Variants in EIF2B5 observed in about 807,000 individuals in gnomAD.
EIF2B5 encodes the protein translation initiation factor eIF2B subunit epsilon.
EIF2B5 carries 38 observed loss-of-function variants against 87.3 expected under a neutral mutation model. That is an observed-to-expected ratio of 0.44 (90% CI 0.34 to 0.57). The LOEUF is 0.57. Among genes scored for constraint, EIF2B5 ranks in the 20% least tolerant of loss-of-function variants. The probability of loss-of-function intolerance (pLI) is 0.02; values close to 1 mark genes in which losing one functional copy is unlikely to be tolerated. For missense variants in EIF2B5, 784 were observed against 909.5 expected, an observed-to-expected ratio of 0.86 and a Z score of 1.78; for synonymous variants, 313 against 339.6, an observed-to-expected ratio of 0.92 and a Z score of 0.86.
rs754300172 is a variant in EIF2B5 at position 184,141,989 on chromosome 3, G to A, written c.1221G>A (p.Gln407=). 5.0e-6 allele frequency: 8 copies of A among 1,614,138 alleles called. No homozygotes were observed. The highest frequency in any genetic ancestry group is 5.9e-6 in the Non-Finnish European group (7 of 1,180,030). Residue 407 remains glutamine (Q), a synonymous_variant, in exon 8 of 16, where the codon CAG becomes CAA. Coordinates refer to ENST00000648915, the MANE Select transcript of EIF2B5 (RefSeq NM_003907.3). ...GTGTTCGAGTGGCGGCTGGAGCACA[G>A]ATCCATCAGTCTCTGCTTTGTGACA... ...WQGVRVAAGA[Q]IHQSLLCDNA... is the part of the protein sequence containing the mutation.
chr3:184,137,580 T>C, intron 2 of EIF2B5, 40 bp from the exon 3 acceptor site: 1 of 1,597,930 alleles, frequency 6.3e-7, no homozygotes, highest in Non-Finnish European at 8.6e-7. Context: ...ATGATCTTTA[T>C]GCTTGATACA....
intron 12 of EIF2B5, 22 bp downstream of exon 12, chr3:184,143,164 TCTC>T (rs773350395): frequency 8.0e-4 from 1,281 of 1,609,726 alleles, no homozygotes; most frequent in Non-Finnish European, 1.0e-3. Context: ...CCCTCCCTGT[TCTC>T]CTCGGGGTGA....
chr3:184,144,327 G>A, intron 14 of EIF2B5, 103 bp downstream of exon 14: 3 of 1,549,196 alleles, frequency 1.9e-6, no homozygotes. Context: ...ATCCAGTATG[G>A]ACCATCCACT....
chr3:184,135,897 T>G, intron 1 of EIF2B5: 2 of 426,500 alleles, frequency 4.7e-6, no homozygotes, highest in East Asian at 4.4e-5. Flanking sequence ...CTTTTAACCT[T>G]GCCGATGACG....
At position 184,142,168 on chromosome 3, in the gene EIF2B5, A is replaced by C; in HGVS notation, c.1303-69A>C. On this transcript the variant is annotated intron_variant, in intron 8 of 15. Coordinates refer to ENST00000648915, the MANE Select transcript of EIF2B5 (RefSeq NM_003907.3). The surrounding 1 kb of genome is among the most constrained non-coding windows in gnomAD (Gnocchi z 5.0). ...TTCCACCCATAATCCTGTCTAAAAA[A>C]GTTGCTCTCATTATCAGGATGCACT... 6.2e-7 allele frequency: 1 copy of C among 1,614,096 alleles called. No homozygotes were observed. The highest frequency in any genetic ancestry group is 8.5e-7 in the Non-Finnish European group (1 of 1,180,016).
intron 13 of EIF2B5, 152 bp from the exon 14 acceptor site, chr3:184,143,947 T>C: frequency 8.2e-7 from 1 of 1,225,936 alleles, no homozygotes; most frequent in Non-Finnish European, 1.2e-6. Flanking sequence ...TCCCAAACCC[T>C]GTCAACAACT....
rs1420303893 is a variant in EIF2B5 at position 184,135,449 on chromosome 3, G to A, written c.64G>A (p.Ala22Thr). 1.3e-6 allele frequency: 2 copies of A among 1,580,828 alleles called. No individual in the cohort carries two copies. Among genetic ancestry groups the A allele is most frequent in the African/African-American group, 1.3e-5 (1 of 74,706 alleles). ...VVSRANKRSGAGPGGSGGGGA... is the reference protein window; with the variant it reads ...VVSRANKRSGTGPGGSGGGGA... ...TAGTCGGGCTAACAAGCGCAGCGGC[G>A]CGGGGCCGGGAGGCAGCGGTGGCGG... Residue 22 changes from alanine (A) to threonine (T), a missense_variant, in exon 1 of 16, where the codon GCG becomes ACG. By Grantham distance (58) the Ala-to-Thr change is moderately conservative. Around this residue, in one of 3 missense-constraint regions of EIF2B5, gnomAD observed 117 missense variants for 101.0 expected, o/e 1.16. Transcript: ENST00000648915.
intron 5 of EIF2B5, 107 bp from the exon 6 acceptor site, chr3:184,139,971 CGA>C (rs1560108091): frequency 2.5e-6 from 2 of 814,936 alleles, no homozygotes; most frequent in East Asian, 6.0e-5. Flanking sequence ...TGCAGTGAGC[CGA>C]GATCATGCAA....
rs750866320 is a variant in EIF2B5 at position 184,142,291 on chromosome 3, C to A, written c.1357C>A (p.Pro453Thr). The change falls in exon 9 of 16, where the codon CCT becomes ACT. Residue 453 changes from proline to threonine, a missense_variant. Transcript: ENST00000648915. The surrounding 1 kb of genome is among the most constrained non-coding windows in gnomAD (Gnocchi z 5.0). ...TGAGGGCTCGGTGATCTCTTTGCAC[C>A]CTCCAGATGCAGAGGAAGATGAAGA... Reference protein sequence around the residue: ...LPEGSVISLHPPDAEEDEDDG... With the variant: ...LPEGSVISLHTPDAEEDEDDG... The A allele has an allele frequency of 1.2e-6, 2 of 1,614,008 alleles. No individual in the cohort carries two copies. Among genetic ancestry groups the A allele is most frequent in the East Asian group, 4.5e-5 (2 of 44,878 alleles).
In EIF2B5 at chr3:184,135,951, GGTAATATGCCTTAAAAA is replaced by G. The variant is rs373912239; in HGVS notation, c.195+373_195+389del. The G allele has an allele frequency of 8.1e-4, 246 of 304,916 alleles. 1 individual carries two copies. The highest frequency in any genetic ancestry group is 4.6e-3 in the African/African-American group (209 of 45,904). The allele number at this position is 304,916 out of a possible 1,614,324, so 18.9% of individuals were successfully genotyped here. On this transcript the variant is annotated intron_variant, in intron 1 of 15. Transcript: ENST00000648915. ...AACGACCTTTTGCCTCTGAAAGGGC[GGTAATATGCCTTAAAAA>G]GAGCGGGCTAGATCTCAGGCAGTGT... is the stretch of plus-strand genomic sequence containing the variant.
chr3:184,144,582 A>T lies in EIF2B5; in HGVS notation c.1996-15A>T. 6.2e-7 allele frequency: 1 copy of T among 1,612,672 alleles called. No individual in the cohort carries two copies. The highest frequency in any genetic ancestry group is 8.5e-7 in the Non-Finnish European group (1 of 1,178,926). On this transcript the variant is annotated splice_polypyrimidine_tract_variant and intron_variant, in intron 14 of 15. Coordinates refer to ENST00000648915, the MANE Select transcript of EIF2B5 (RefSeq NM_003907.3). ...TTCCAAGGCCCCTGAGGTCCCCTTTATTGGCCTTTTGCAGGTACTGATGGC... is the reference window on the plus strand; with the variant it reads ...TTCCAAGGCCCCTGAGGTCCCCTTTTTTGGCCTTTTGCAGGTACTGATGGC...
At chr3:184,144,048 G>A (rs1389368766) in intron 13 of EIF2B5, 51 bp from the exon 14 acceptor site, 1 of 1,613,810 alleles carries the variant, frequency 6.2e-7, no homozygotes, top group East Asian at 2.2e-5. Flanking sequence ...GGATGTCCAG[G>A]TATAGGTGAA....
intron 13 of EIF2B5, 176 bp downstream of exon 13, chr3:184,143,741 T>C: frequency 3.3e-6 from 3 of 909,480 alleles, no homozygotes; most frequent in Non-Finnish European, 5.1e-6. Flanking sequence ...TTGAGTTCAA[T>C]ACTGACTGGC....
chr3:184,143,021 GC>G (rs774044438), intron 11 of EIF2B5, 30 bp from the exon 12 acceptor site: 3 of 1,605,106 alleles, frequency 1.9e-6, no homozygotes, highest in Non-Finnish European at 2.6e-6. Flanking sequence ...AATGATGTTG[GC>G]CCATGAACTT....
Position 184,143,625 on chromosome 3 carries a change from A to G in EIF2B5, c.1869+60A>G, listed in dbSNP as rs1713739023. 4 of 1,612,698 alleles carry G rather than the reference A, an allele frequency of 2.5e-6. No individual in the cohort carries two copies. In the African/African-American group the frequency reaches 4.0e-5, roughly 16 times the overall value. On this transcript the variant is annotated intron_variant, in intron 13 of 15. Coordinates refer to ENST00000648915, the MANE Select transcript of EIF2B5 (RefSeq NM_003907.3). ...GGTACAGGCAAAGGAAATCAGGAGT[A>G]GACTGTCTTGTTATATTGGGTGTAT... is the stretch of plus-strand genomic sequence containing the variant.
chr3:184,138,363 C>T, intron 5 of EIF2B5, 117 bp downstream of exon 5: 2 of 1,058,180 alleles, frequency 1.9e-6, no homozygotes, highest in South Asian at 2.6e-5. Context: ...ATTATTTTTA[C>T]TTTTATTTTT....
At chr3:184,140,897 T>G in intron 7 of EIF2B5, 167 bp downstream of exon 7, 2 of 751,514 alleles carry the variant, frequency 2.7e-6, no homozygotes, top group Non-Finnish European at 4.4e-6. Context: ...AAAACAGCGA[T>G]ACCTTAATTT....
chr3:184,143,690 T>C (rs761007144), intron 13 of EIF2B5, 125 bp downstream of exon 13: 12 of 1,472,264 alleles, frequency 8.2e-6, no homozygotes, highest in Non-Finnish European at 1.0e-5. Flanking sequence ...TGGAAGCTGG[T>C]TGGGCTCTAG....
chr3:184,143,690 T>G, intron 13 of EIF2B5, 125 bp downstream of exon 13: 2 of 1,472,382 alleles, frequency 1.4e-6, no homozygotes, highest in Non-Finnish European at 1.9e-6. Context: ...TGGAAGCTGG[T>G]TGGGCTCTAG....
Sources: gnomAD v4.1 joint callset for allele counts on GRCh38, gnomAD v4.1.1 for gene constraint, gnomAD v4.1.1 regional missense constraint, Gnocchi (gnomAD v3.1) non-coding constraint, MANE v1.5 for transcripts, NCBI Gene and HGNC (gene_info 2026-07-23, HGNC 2026-07-21) for gene names.